The following TSHZ2 variants were observed in gnomAD, a reference collection of about 807,000 sequenced individuals.
TSHZ2 encodes the protein teashirt homolog 2.
In TSHZ2, 21 loss-of-function variants were observed where a neutral mutation model predicts 74.4. The observed-to-expected ratio is 0.28, with a 90% CI of 0.20 to 0.41. The LOEUF is 0.41. TSHZ2 is among the 10% of genes least tolerant of loss of function. The probability of loss-of-function intolerance (pLI) is 1.00; values close to 1 mark genes in which losing one functional copy is unlikely to be tolerated. For missense variants in TSHZ2, 1,244 were observed against 1,293.5 expected (o/e 0.96, Z 0.59); for synonymous variants, 540 against 515.3 (o/e 1.05, Z -0.65).
At chr20:53,114,008 C>T (rs962298198) in intron 1 of TSHZ2, among the ~76,000 whole-genome samples, 1 of 151,194 alleles carries the variant, frequency 6.6e-6, no homozygotes, top group Admixed American at 6.6e-5. Flanking sequence ...GCAAGAGAAT[C>T]ACTTGAGTCT....
At chr20:53,361,792 A>G (rs1050685539) in intron 2 of TSHZ2, among the ~76,000 whole-genome samples, 2 of 152,214 alleles carry the variant, frequency 1.3e-5, no homozygotes. Context: ...CCAACTTTTC[A>G]ATGTCCAGTA....
intron 2 of TSHZ2, among the ~76,000 whole-genome samples, chr20:53,426,808 C>T (rs1394895825): frequency 6.6e-6 from 1 of 152,154 alleles, no homozygotes; most frequent in Non-Finnish European, 1.5e-5. Flanking sequence ...TCCCTTTTGT[C>T]TTTTTCTCTT....
At position 53,256,083 on chromosome 20, in the gene TSHZ2, T is replaced by C; in HGVS notation, c.2625T>C (p.Ser875=). ...FQTSEGKYLL[S]DLGPQERMQI... ...CATCAGAGGGCAAATACCTGCTGTC[T>C]GATCTGGGCCCACAAGAGCGTATGC... Residue 875 remains serine, a synonymous_variant, in exon 2 of 3, where the codon TCT becomes TCC. Coordinates refer to ENST00000371497, the MANE Select transcript of TSHZ2 (RefSeq NM_173485.6). The surrounding 1 kb of genome is among the most constrained non-coding windows in gnomAD (Gnocchi z 4.3). 2 of 1,614,182 alleles carry C rather than the reference T, an allele frequency of 1.2e-6. No individual in the cohort carries two copies. The highest frequency in any genetic ancestry group is 1.7e-6 in the Non-Finnish European group (2 of 1,180,008).
At chr20:53,198,347 T>A (rs956509398) in intron 1 of TSHZ2, 1 of 152,238 alleles carries the variant, frequency 6.6e-6, no homozygotes, top group Non-Finnish European at 1.5e-5. Flanking sequence ...ATGTGCCACA[T>A]GAACTGAGTA....
intron 1 of TSHZ2, among the ~76,000 whole-genome samples, chr20:53,084,642 CCTCTCTCCCTCTCTCCTTCTCTCCTTCT>C: frequency 3.6e-5 from 4 of 110,224 alleles, no homozygotes; most frequent in Non-Finnish European, 7.6e-5. Context: ...TCCCTCCCTC[CCTCTCTCCCTCTCTCCTTCTCTCCTTCT>C]CTCCCTCCCT....
At chr20:53,031,907 AAAG>A (rs1466531617) in intron 1 of TSHZ2, among the ~76,000 whole-genome samples, 1 of 152,022 alleles carries the variant, frequency 6.6e-6, no homozygotes, top group Non-Finnish European at 1.5e-5. Context: ...GGAAGGAAGG[AAAG>A]AAGGAAGGGA....
intron 1 of TSHZ2, among the ~76,000 whole-genome samples, chr20:53,191,575 A>T (rs1357031913): frequency 6.6e-6 from 1 of 152,252 alleles, no homozygotes; most frequent in Non-Finnish European, 1.5e-5. Context: ...AAGTGGGAGA[A>T]TCACTTGAAC....
chr20:53,227,463 AACAC>A (rs10574252), intron 1 of TSHZ2, among the ~76,000 whole-genome samples: 27,107 of 146,266 alleles, frequency 0.19, 2,591 homozygotes, highest in Middle Eastern at 0.24. Flanking sequence ...TGGGGAGGAA[AACAC>A]ACACACACAC....
intron 1 of TSHZ2, among the ~76,000 whole-genome samples, chr20:53,116,974 G>A (rs1328158320): frequency 6.6e-6 from 1 of 152,124 alleles, no homozygotes; most frequent in Non-Finnish European, 1.5e-5. Flanking sequence ...CCCTCCTCCT[G>A]ATTTCTTCAT....
intron 2 of TSHZ2, among the ~76,000 whole-genome samples, chr20:53,408,567 G>A (rs1982929737): frequency 6.6e-6 from 1 of 152,144 alleles, no homozygotes. Flanking sequence ...TCCCCACTCT[G>A]CAGTGGAAAT....
intron 1 of TSHZ2, among the ~76,000 whole-genome samples, chr20:53,132,380 T>C (rs570651845): frequency 6.6e-6 from 1 of 151,430 alleles, no homozygotes; most frequent in South Asian, 2.1e-4. Context: ...GGCACCATCT[T>C]GGCTCACTGC....
chr20:52,997,265 G>GT (rs1401657865), intron 1 of TSHZ2, among the ~76,000 whole-genome samples: 7 of 149,910 alleles, frequency 4.7e-5, no homozygotes, highest in Admixed American at 2.0e-4. Flanking sequence ...GCCCCGGGGG[G>GT]GGGTTCAGCA....
chr20:53,452,562 G>T (rs1017242099), intron 2 of TSHZ2, among the ~76,000 whole-genome samples: 1 of 148,290 alleles, frequency 6.7e-6, no homozygotes, highest in Non-Finnish European at 1.5e-5. Flanking sequence ...TTGAGCCACC[G>T]CACTCTAGCC....
chr20:53,253,411 G>T (rs541704722), intron 1 of TSHZ2, 88 bp from the exon 2 acceptor site: 5 of 1,502,844 alleles, frequency 3.3e-6, no homozygotes, highest in Non-Finnish European at 4.4e-6. Flanking sequence ...GTTCAGTTCG[G>T]CATGGGAAGC....
rs556889194 is a variant in TSHZ2, at chr20:53,396,603, C to G, written c.*9-90541C>G. Among the ~76,000 whole-genome samples the G allele has an allele frequency of 3.9e-5, 6 of 152,102 alleles. No individual in the cohort carries two copies. In the East Asian group the frequency reaches 1.2e-3, roughly 29 times the overall value. On this transcript the variant is annotated intron_variant, in intron 2 of 2. Coordinates refer to ENST00000371497, the MANE Select transcript of TSHZ2 (RefSeq NM_173485.6). ...GGCTCGTGCCTGTAATCCCAGTATTCTAGGAAGCCGAGGCAGGTGGATCAC... is the reference window on the plus strand; with the variant it reads ...GGCTCGTGCCTGTAATCCCAGTATTGTAGGAAGCCGAGGCAGGTGGATCAC...
chr20:53,371,973 C>T (rs1261130892), intron 2 of TSHZ2, among the ~76,000 whole-genome samples: 4 of 152,090 alleles, frequency 2.6e-5, no homozygotes, highest in Non-Finnish European at 4.4e-5. Flanking sequence ...CCGTGACTCC[C>T]AACAATCCCT....
Position 53,254,077 on chromosome 20 carries a change from A to G in TSHZ2, c.619A>G (p.Thr207Ala), listed in dbSNP as rs1990399161. Residue 207 changes from threonine to alanine, a missense_variant, in exon 2 of 3, where the codon ACT becomes GCT. Transcript: ENST00000371497. Reference sequence around the variant, plus strand: ...CCGACAGAGCAGCAAGATGTGCGGGACTGTGTTCACAGGGGCCAGCAGATT... The same window carrying G: ...CCGACAGAGCAGCAAGATGTGCGGGGCTGTGTTCACAGGGGCCAGCAGATT... ...LYRQSSKMCG[T>A]VFTGASRFRC... 1.2e-6 allele frequency: 2 copies of G among 1,614,124 alleles called. 1 individual carries two copies. Among genetic ancestry groups the G allele is most frequent in the Middle Eastern group, 3.3e-4 (2 of 6,062 alleles).
At chr20:53,274,173 G>A (rs1218155231) in intron 2 of TSHZ2, among the ~76,000 whole-genome samples, 1 of 152,208 alleles carries the variant, frequency 6.6e-6, no homozygotes, top group East Asian at 1.9e-4. Context: ...AGGAAGCTGA[G>A]GCAGGAGAAT....
At chr20:53,199,695 T>A (rs1988953708) in intron 1 of TSHZ2, among the ~76,000 whole-genome samples, 3 of 152,094 alleles carry the variant, frequency 2.0e-5, no homozygotes, top group African/African-American at 7.2e-5. Context: ...GTGATCTGAT[T>A]TGGGAGCTCA....
Sources: gnomAD v4.1 joint callset for allele counts (sites outside exome capture counted in the v4.1 genomes callset) on GRCh38, gnomAD v4.1.1 for gene constraint, Gnocchi (gnomAD v3.1) non-coding constraint, MANE v1.5 for transcripts, NCBI Gene and HGNC (gene_info 2026-07-23, HGNC 2026-07-21) for gene names.